Variants in KLHL29 observed in about 807,000 individuals in gnomAD.
KLHL29 encodes kelch like family member 29.
Under a neutral mutation model 80.4 loss-of-function variants are expected in KLHL29, and 21 were observed. That is an observed-to-expected ratio of 0.26 (90% CI 0.19 to 0.38). KLHL29 has a LOEUF of 0.38. Among genes scored for constraint, KLHL29 ranks in the 10% least tolerant of loss-of-function variants. KLHL29 has a pLI of 1.00. For missense variants in KLHL29, 867 were observed against 1,223.9 expected (o/e 0.71, Z 4.35); for synonymous variants, 511 against 526.8 (o/e 0.97, Z 0.41).
At chr2:23,489,770 A>G (rs1435237646) in intron 2 of KLHL29, among the ~76,000 whole-genome samples, 1 of 151,784 alleles carries the variant, frequency 6.6e-6, no homozygotes, top group African/African-American at 2.4e-5. Flanking sequence ...AGCACCTCAC[A>G]GTGAAACTTG....
intron 1 of KLHL29, among the ~76,000 whole-genome samples, chr2:23,419,360 C>T (rs886832672): frequency 4.6e-5 from 7 of 152,074 alleles, no homozygotes; most frequent in East Asian, 1.9e-4. Flanking sequence ...TCTGTCCTGG[C>T]GCTCCCCAGG....
At position 23,503,618 on chromosome 2, in the gene KLHL29, C is replaced by T. The variant is rs1056933096; in HGVS notation, c.-46+27951C>T. ...CCTCGCTCATCCAGAACAGAGGCAC[C>T]ATGGCCAGGAGGCCCTTCCTTTGTT... On this transcript the variant is annotated intron_variant, in intron 2 of 13. Transcript: ENST00000486442. This position sits in a 1 kb window ranked among gnomAD's most constrained non-coding sequence, Gnocchi z 4.0. 1.3e-5 allele frequency among the ~76,000 whole-genome samples: 2 copies of T among 151,414 alleles called. No homozygotes were observed. The highest frequency in any genetic ancestry group is 2.9e-5 in the Non-Finnish European group (2 of 67,936).
chr2:23,701,917 C>CAGCCGGGTAGCTGGGT (rs1340273370), intron 11 of KLHL29, among the ~76,000 whole-genome samples: 3 of 150,118 alleles, frequency 2.0e-5, no homozygotes, highest in Non-Finnish European at 3.0e-5. Flanking sequence ...TCTTCTGCCT[C>CAGCCGGGTAGCTGGGT]AGCCGGGTAG....
chr2:23,537,717 G>A (rs1014843609), intron 2 of KLHL29, among the ~76,000 whole-genome samples: 1 of 152,170 alleles, frequency 6.6e-6, no homozygotes, highest in Non-Finnish European at 1.5e-5. Flanking sequence ...CTGGAGCTTG[G>A]CCACCTGCAA....
intron 5 of KLHL29, among the ~76,000 whole-genome samples, chr2:23,670,480 G>A (rs1046593698): frequency 6.6e-6 from 1 of 152,038 alleles, no homozygotes; most frequent in African/African-American, 2.4e-5. Flanking sequence ...TTGGCAGGAT[G>A]AGGGGCTGAC....
In KLHL29 at chr2:23,604,194, C is replaced by T. The variant is rs528050089; in HGVS notation, c.286-34945C>T. 3.9e-5 allele frequency among the ~76,000 whole-genome samples: 6 copies of T among 152,046 alleles called. No homozygotes were observed. The South Asian group carries it at 1.2e-3, about 32-fold the overall frequency. ...TGAGACAGAGTCTCACTCTTTCGCCCAGGCTGCAGTGCAGTGGTACAATCT... is the reference window on the plus strand; with the variant it reads ...TGAGACAGAGTCTCACTCTTTCGCCTAGGCTGCAGTGCAGTGGTACAATCT... On this transcript the variant is annotated intron_variant, in intron 3 of 13. Coordinates refer to ENST00000486442, the MANE Select transcript of KLHL29 (RefSeq NM_052920.2).
chr2:23,406,343 AGAAAAG>A (rs1236443486), intron 1 of KLHL29, among the ~76,000 whole-genome samples: 2 of 122,486 alleles, frequency 1.6e-5, no homozygotes, highest in Non-Finnish European at 3.4e-5. Flanking sequence ...AAAAAAAAAA[AGAAAAG>A]AAAACACACA....
intron 1 of KLHL29, among the ~76,000 whole-genome samples, chr2:23,463,178 C>A (rs949080486): frequency 1.3e-5 from 2 of 149,274 alleles, no homozygotes; most frequent in African/African-American, 4.9e-5. Context: ...GAGGATTAGA[C>A]CTTCCCTGGG....
intron 1 of KLHL29, among the ~76,000 whole-genome samples, chr2:23,443,900 C>T (rs1266155783): frequency 6.6e-6 from 1 of 152,190 alleles, no homozygotes; most frequent in Non-Finnish European, 1.5e-5. Context: ...TTCCCAAGAA[C>T]TTGTCACCTA....
At chr2:23,523,181 T>C (rs1666160626) in intron 2 of KLHL29, among the ~76,000 whole-genome samples, 2 of 152,200 alleles carry the variant, frequency 1.3e-5, no homozygotes, top group African/African-American at 4.8e-5. Context: ...CAGGAAGCTT[T>C]GCCACCTGGG....
At chr2:23,391,095 T>A (rs1016386324) in intron 1 of KLHL29, among the ~76,000 whole-genome samples, 1 of 152,194 alleles carries the variant, frequency 6.6e-6, no homozygotes, top group African/African-American at 2.4e-5. Flanking sequence ...CCATTCTACT[T>A]CCTGTTTATA....
chr2:23,654,695 T>TG (rs769363801), intron 5 of KLHL29, among the ~76,000 whole-genome samples: 2,357 of 33,904 alleles, frequency 0.07, 305 homozygotes, highest in East Asian at 0.14. Flanking sequence ...GGAACAGAGG[T>TG]TGGGGGGGGG....
At chr2:23,443,676 T>A (rs1292274183) in intron 1 of KLHL29, among the ~76,000 whole-genome samples, 1 of 152,214 alleles carries the variant, frequency 6.6e-6, no homozygotes, top group Non-Finnish European at 1.5e-5. Flanking sequence ...GTTATGCACT[T>A]TTCGTAAGAA....
rs1051055074 is a variant in KLHL29, at chr2:23,596,441, G to A, written c.285+33960G>A. Among the ~76,000 whole-genome samples, 2 of 152,164 alleles carry A rather than the reference G, an allele frequency of 1.3e-5. No individual in the cohort carries two copies. Among genetic ancestry groups the A allele is most frequent in the African/African-American group, 4.8e-5 (2 of 41,440 alleles). ...GGAGAGGAAGGAACCCGTTTCATAA[G>A]CGCACTCACGTTGGAGCAGAACAGA... On this transcript the variant is annotated intron_variant, in intron 3 of 13. Coordinates refer to ENST00000486442, the MANE Select transcript of KLHL29 (RefSeq NM_052920.2). The surrounding 1 kb of genome is among the most constrained non-coding windows in gnomAD (Gnocchi z 4.4).
rs190695841 is a variant in KLHL29, at chr2:23,609,769, A to G, written c.286-29370A>G. Among the ~76,000 whole-genome samples, 57 of 152,274 alleles carry G rather than the reference A, an allele frequency of 3.7e-4. 1 individual carries two copies. In the East Asian group the frequency reaches 0.01, roughly 27 times the overall value. On this transcript the variant is annotated intron_variant, in intron 3 of 13. Transcript: ENST00000486442. ...TTTATTTGGTTCAACCTTCCAACAA[A>G]ACCCGTGAGGTAGTGACTTATCCCC...
At chr2:23,508,550 C>T (rs779473515) in intron 2 of KLHL29, among the ~76,000 whole-genome samples, 6 of 152,216 alleles carry the variant, frequency 3.9e-5, no homozygotes, top group Non-Finnish European at 7.3e-5. Context: ...CACAAGTCCA[C>T]GTAGATTCAA....
chr2:23,580,669 C>T (rs1395415685), intron 3 of KLHL29, among the ~76,000 whole-genome samples: 13 of 64,874 alleles, frequency 2.0e-4, no homozygotes, highest in Non-Finnish European at 2.0e-4. Flanking sequence ...AGTGAGACTC[C>T]GTCTCATAAA....
chr2:23,549,418 AAACACAC>A (rs1334378883), intron 2 of KLHL29, among the ~76,000 whole-genome samples: 67 of 152,222 alleles, frequency 4.4e-4, no homozygotes, highest in African/African-American at 1.5e-3. Flanking sequence ...GGTGGTGATA[AAACACAC>A]AACCTCGCAA....
At chr2:23,703,094 A>G in intron 11 of KLHL29, 92 bp from the exon 12 acceptor site, 1 of 910,618 alleles carries the variant, frequency 1.1e-6, no homozygotes, top group South Asian at 2.7e-5. Flanking sequence ...GCTGAGGGCG[A>G]GGAGCAGATG....
Sources: gnomAD v4.1 joint callset for allele counts (sites outside exome capture counted in the v4.1 genomes callset) on GRCh38, gnomAD v4.1.1 for gene constraint, Gnocchi (gnomAD v3.1) non-coding constraint, MANE v1.5 for transcripts, NCBI Gene and HGNC (gene_info 2026-07-23, HGNC 2026-07-21) for gene names.